Variants in DMD observed in about 807,000 individuals in gnomAD.
DMD encodes dystrophin.
Under a neutral mutation model 330.1 loss-of-function variants are expected in DMD, and 63 were observed. The observed-to-expected ratio is 0.19, with a 90% CI of 0.16 to 0.24. The LOEUF (loss-of-function observed/expected upper bound fraction) is 0.24. Among genes scored for constraint, DMD ranks in the 10% least tolerant of loss-of-function variants. The pLI is 1.00. For missense variants in DMD, 3,344 were observed against 2,684.1 expected (o/e 1.25, Z -5.43); for synonymous variants, 1,223 against 959.8 (o/e 1.27, Z -5.07).
chrX:32,967,063 A>G (rs1223529010), intron 2 of DMD, among the ~76,000 whole-genome samples: 3 of 111,801 alleles, frequency 2.7e-5, no homozygotes, highest in Non-Finnish European at 5.6e-5. Flanking sequence ...TGTACTGAAC[A>G]AAGCACTCCC....
rs777817144 is a variant in DMD, at chrX:31,479,023, C to G, written c.8628G>C (p.Gln2876His). The change falls in exon 58 of 79, where the codon CAG becomes CAC. Residue 2876 changes from glutamine to histidine, a missense_variant. Coordinates refer to ENST00000357033, the MANE Select transcript of DMD (RefSeq NM_004006.3). ...AGAGTTTCTCTAGTCCTTCCAAAGG[C>G]TGCTCTGTCAGAAATATTCGTACAG... is the stretch of plus-strand genomic sequence containing the variant. The part of the protein sequence containing the change: ...LETVRIFLTE[Q>H]PLEGLEKLYQ... 1 of 1,207,796 alleles carries G rather than the reference C, an allele frequency of 8.3e-7. No individual in the cohort carries two copies. The highest frequency in any genetic ancestry group is 1.8e-5 in the African/African-American group (1 of 57,108).
chrX:32,717,263 C>T (rs755888969), intron 7 of DMD, among the ~76,000 whole-genome samples: 26 of 111,327 alleles, frequency 2.3e-4, no homozygotes, highest in Non-Finnish European at 1.7e-4. Flanking sequence ...AAAATGATTT[C>T]GGAGGCCAGG....
intron 52 of DMD, among the ~76,000 whole-genome samples, chrX:31,688,689 T>C (rs2082876372): frequency 9.0e-6 from 1 of 111,184 alleles, no homozygotes; most frequent in South Asian, 3.8e-4. Context: ...TAGACAAATA[T>C]CCCTGATGAA....
intron 23 of DMD, among the ~76,000 whole-genome samples, chrX:32,467,603 T>G (rs1017911476): frequency 9.3e-6 from 1 of 108,095 alleles, no homozygotes; most frequent in Non-Finnish European, 1.9e-5. Flanking sequence ...TATGTATATA[T>G]GTACATGATA....
chrX:31,489,918 T>C (rs764189707), intron 57 of DMD, among the ~76,000 whole-genome samples: 17 of 111,905 alleles, frequency 1.5e-4, no homozygotes, highest in Non-Finnish European at 2.8e-4. Flanking sequence ...AGAAGTCAGT[T>C]TGTAAATTAT....
At chrX:32,815,520 T>TATACACACACACACACAC in intron 6 of DMD, among the ~76,000 whole-genome samples, 10 of 78,918 alleles carry the variant, frequency 1.3e-4, no homozygotes, top group African/African-American at 4.2e-4. Flanking sequence ...TATATATATA[T>TATACACACACACACACAC]ACACACACAC....
intron 50 of DMD, among the ~76,000 whole-genome samples, chrX:31,783,952 T>C (rs2091160289): frequency 8.9e-6 from 1 of 112,299 alleles, no homozygotes; most frequent in South Asian, 3.6e-4. Context: ...ATTTTCTGCA[T>C]TGGTTCCTCA....
At chrX:32,699,840 C>G (rs192497886) in intron 7 of DMD, among the ~76,000 whole-genome samples, 1 of 111,283 alleles carries the variant, frequency 9.0e-6, no homozygotes, top group African/African-American at 3.3e-5. Context: ...AGAAAAATAC[C>G]ATATAATGAT....
intron 62 of DMD, among the ~76,000 whole-genome samples, chrX:31,319,760 G>A (rs1012183321): frequency 8.9e-6 from 1 of 112,233 alleles, no homozygotes; most frequent in Admixed American, 9.4e-5. Flanking sequence ...ATGCATGTTT[G>A]GGATTCCTAA....
intron 50 of DMD, among the ~76,000 whole-genome samples, chrX:31,805,986 C>T (rs2092280226): frequency 8.9e-6 from 1 of 112,174 alleles, no homozygotes; most frequent in South Asian, 3.7e-4. Context: ...CACAGCCACA[C>T]TTATGCATTT....
At chrX:31,366,519 T>TAAAAAAAAAAAA (rs1387742163) in intron 60 of DMD, among the ~76,000 whole-genome samples, 1 of 29,837 alleles carries the variant, frequency 3.4e-5, no homozygotes, top group Non-Finnish European at 6.4e-5. Flanking sequence ...AATAAATAAA[T>TAAAAAAAAAAAA]AAAAAAGATA....
chrX:33,134,173 T>A (rs1176299703), intron 1 of DMD, among the ~76,000 whole-genome samples: 1 of 111,573 alleles, frequency 9.0e-6, no homozygotes, highest in Non-Finnish European at 1.9e-5. Flanking sequence ...TTACCCAGCC[T>A]CCTTCATCAA....
chrX:32,662,242 G>A (rs16990553), intron 9 of DMD, among the ~76,000 whole-genome samples: 14,032 of 110,560 alleles, frequency 0.13, 1,284 homozygotes, highest in African/African-American at 0.33. Context: ...TTATTGCCAC[G>A]TCCATAAATT....
intron 64 of DMD, among the ~76,000 whole-genome samples, chrX:31,221,643 AT>A (rs2046050450): frequency 8.8e-6 from 1 of 113,125 alleles, no homozygotes; most frequent in Admixed American, 9.3e-5. Flanking sequence ...AGATCACTTT[AT>A]TTTTTTAACC....
chrX:31,219,843 C>CACACACACAT (rs2045806443), intron 64 of DMD, among the ~76,000 whole-genome samples: 1 of 110,621 alleles, frequency 9.0e-6, no homozygotes, highest in Admixed American at 9.6e-5. Flanking sequence ...TACACACACA[C>CACACACACAT]ACACACACAC....
chrX:31,630,802 A>G (rs1441846179), intron 54 of DMD, among the ~76,000 whole-genome samples: 1 of 111,951 alleles, frequency 8.9e-6, no homozygotes, highest in Non-Finnish European at 1.9e-5. Context: ...GAATTTTACA[A>G]GTAACAATGA....
intron 60 of DMD, among the ~76,000 whole-genome samples, chrX:31,417,854 AT>A (rs1181120445): frequency 9.3e-6 from 1 of 107,660 alleles, no homozygotes; most frequent in African/African-American, 3.4e-5. Context: ...TGCCCGGCTA[AT>A]TTTTTGTATT....
At chrX:31,446,759 T>C (rs1018217237) in intron 59 of DMD, among the ~76,000 whole-genome samples, 18 of 112,216 alleles carry the variant, frequency 1.6e-4, no homozygotes, top group African/African-American at 5.5e-4. Flanking sequence ...TAAATGTCAA[T>C]GGGGGAAACT....
At chrX:31,876,521 T>C (rs895748422) in intron 47 of DMD, among the ~76,000 whole-genome samples, 1 of 111,034 alleles carries the variant, frequency 9.0e-6, no homozygotes, top group African/African-American at 3.3e-5. Flanking sequence ...AGTTATTAAG[T>C]AGCAGTGATT....
Sources: allele counts gnomAD v4.1 joint callset (sites outside exome capture counted in the v4.1 genomes callset), GRCh38; gene constraint gnomAD v4.1.1; transcripts MANE v1.5; gene names NCBI Gene and HGNC (gene_info 2026-07-23, HGNC 2026-07-21).